Variants in ATXN7 observed in about 807,000 individuals in gnomAD.
ATXN7 encodes the protein ataxin-7.
Under a neutral mutation model 70.5 loss-of-function variants are expected in ATXN7, and 12 were observed. The ratio of observed to expected loss-of-function variants is 0.17; its 90% CI spans 0.11 to 0.28. The LOEUF is 0.28. Among genes scored for constraint, ATXN7 ranks in the 10% least tolerant of loss-of-function variants. ATXN7 has a pLI of 1.00. For synonymous variants in ATXN7, 498 were observed against 448.7 expected (o/e 1.11, Z -1.39); for missense variants, 1,256 against 1,131.7 (o/e 1.11, Z -1.58).
intron 5 of ATXN7, among the ~76,000 whole-genome samples, chr3:63,960,196 G>A (rs533180504): frequency 6.6e-6 from 1 of 152,304 alleles, no homozygotes; most frequent in African/African-American, 2.4e-5. Context: ...TTCACATAGA[G>A]GAAATAGCAA....
chr3:63,897,414 A>G (rs1703478912), intron 1 of ATXN7, among the ~76,000 whole-genome samples: 1 of 152,208 alleles, frequency 6.6e-6, no homozygotes, highest in South Asian at 2.1e-4. Flanking sequence ...AAAACCTAAT[A>G]AAGATAATTA....
chr3:63,878,350 C>T (rs1702805180), intron 1 of ATXN7: 1 of 152,188 alleles, frequency 6.6e-6, no homozygotes, highest in Non-Finnish European at 1.5e-5. Flanking sequence ...AGACTCCTAC[C>T]TAGAGAATTG....
chr3:63,892,425 T>C (rs896268800), intron 1 of ATXN7, among the ~76,000 whole-genome samples: 3 of 138,644 alleles, frequency 2.2e-5, no homozygotes, highest in African/African-American at 8.4e-5. Context: ...CCAACTCCTG[T>C]CAACAGGAGT....
chr3:63,904,607 G>A (rs1484657674), intron 2 of ATXN7: 1 of 152,126 alleles, frequency 6.6e-6, no homozygotes, highest in Non-Finnish European at 1.5e-5. Context: ...ATTCTTTGTA[G>A]AGATATATCA....
chr3:63,887,077 T>C (rs1357436610), intron 1 of ATXN7, among the ~76,000 whole-genome samples: 1 of 152,158 alleles, frequency 6.6e-6, no homozygotes, highest in Non-Finnish European at 1.5e-5. Flanking sequence ...TGCATCACCA[T>C]AGAAAGGAGC....
intron 1 of ATXN7, among the ~76,000 whole-genome samples, chr3:63,894,718 C>T (rs894111114): frequency 1.3e-5 from 2 of 152,154 alleles, no homozygotes; most frequent in East Asian, 1.9e-4. Context: ...GTAGAGACGG[C>T]GTCTCACCCT....
intron 8 of ATXN7, among the ~76,000 whole-genome samples, chr3:63,986,016 G>T (rs529347140): frequency 6.6e-6 from 1 of 152,344 alleles, no homozygotes; most frequent in South Asian, 2.1e-4. Flanking sequence ...CTGCAAAAAT[G>T]AAGTTTTTCC....
intron 1 of ATXN7, among the ~76,000 whole-genome samples, chr3:63,890,696 C>A (rs979572917): frequency 6.6e-6 from 1 of 152,112 alleles, no homozygotes; most frequent in East Asian, 1.9e-4. Context: ...AAAATTATGA[C>A]GATAGTAAGA....
intron 2 of ATXN7, among the ~76,000 whole-genome samples, chr3:63,903,055 TATCATCATCATC>T (rs770295546): frequency 2.6e-5 from 4 of 151,308 alleles, no homozygotes; most frequent in African/African-American, 9.7e-5. Context: ...TGCATAGACT[TATCATCATCATC>T]ATCATCATCA....
At chr3:63,964,073 A>AAC (rs10557844) in intron 5 of ATXN7, among the ~76,000 whole-genome samples, 3,847 of 147,134 alleles carry the variant, frequency 0.026, 56 homozygotes, top group Admixed American at 0.037. Context: ...TAGACACATA[A>AAC]ACACACACAC....
At chr3:63,910,129 G>A (rs777007063) in intron 2 of ATXN7, among the ~76,000 whole-genome samples, 6 of 152,212 alleles carry the variant, frequency 3.9e-5, no homozygotes, top group Non-Finnish European at 7.3e-5. Context: ...TGGGAAAGAA[G>A]TTGAAGTACT....
chr3:63,994,233 G>GTT (rs2075719956), intron 11 of ATXN7, among the ~76,000 whole-genome samples: 1 of 152,018 alleles, frequency 6.6e-6, no homozygotes, highest in African/African-American at 2.4e-5. Context: ...GGGTTTTTTT[G>GTT]TTTGTTTTGT....
At chr3:63,884,469 AT>A (rs1703020683) in intron 1 of ATXN7, among the ~76,000 whole-genome samples, 2 of 152,136 alleles carry the variant, frequency 1.3e-5, no homozygotes, top group Non-Finnish European at 2.9e-5. Flanking sequence ...ATATAAACAA[AT>A]AATATGTGAT....
In ATXN7 at chr3:64,000,803, A is replaced by G. The variant is rs1480444444; in HGVS notation, c.*1336A>G. Reference sequence around the variant, plus strand: ...TCTAGGATATTTTTTCTAGTACCCCACCCCCCACCCCTAAAGAAAGACCTT... The same window carrying G: ...TCTAGGATATTTTTTCTAGTACCCCGCCCCCCACCCCTAAAGAAAGACCTT... On this transcript the variant is annotated 3_prime_UTR_variant, in exon 13 of 13. Coordinates refer to ENST00000674280, the MANE Select transcript of ATXN7 (RefSeq NM_001377405.1). 2.5e-5 allele frequency: 2 copies of G among 79,026 alleles called. No homozygotes were observed. The highest frequency in any genetic ancestry group is 2.0e-4 in the Admixed American group (1 of 4,994). 4.9% of individuals were successfully genotyped at this position (79,026 alleles called of 1,614,324 possible). A position where few individuals can be genotyped will look rare whatever the true frequency, so the allele number is the denominator to read the frequency against.
intron 11 of ATXN7, among the ~76,000 whole-genome samples, chr3:63,992,659 A>G (rs1206771434): frequency 6.6e-6 from 1 of 152,202 alleles, no homozygotes; most frequent in East Asian, 1.9e-4. Context: ...AAGTAAGATC[A>G]TAAGGTCGAC....
intron 4 of ATXN7, among the ~76,000 whole-genome samples, chr3:63,937,146 G>T (rs2074676935): frequency 6.6e-6 from 1 of 152,138 alleles, no homozygotes; most frequent in Admixed American, 6.5e-5. Flanking sequence ...GCAGAGATAT[G>T]GCCATGTAAT....
At chr3:63,863,616 C>G, upstream of ATXN7, 1 of 1,196,504 alleles carries the variant, frequency 8.4e-7, no homozygotes, top group Non-Finnish European at 1.0e-6. Context: ...CCGGGGAGGC[C>G]CGGGGCTCCG....
chr3:63,957,896 C>T (rs565465054), intron 5 of ATXN7, among the ~76,000 whole-genome samples: 1 of 152,274 alleles, frequency 6.6e-6, no homozygotes, highest in African/African-American at 2.4e-5. Context: ...AAATAACAGA[C>T]CTTGAAAACA....
At chr3:63,981,546 A>C (rs940921272) in intron 6 of ATXN7, among the ~76,000 whole-genome samples, 10 of 152,342 alleles carry the variant, frequency 6.6e-5, no homozygotes, top group Admixed American at 4.6e-4. Flanking sequence ...TCCAAGATTC[A>C]TATCTTTGTT....
Sources: gnomAD v4.1 joint callset for allele counts (sites outside exome capture counted in the v4.1 genomes callset) on GRCh38, gnomAD v4.1.1 for gene constraint, MANE v1.5 for transcripts, NCBI Gene and HGNC (gene_info 2026-07-23, HGNC 2026-07-21) for gene names.